SLC22A25: variants seen among roughly 807,000 people sequenced by gnomAD.
SLC22A25 encodes the protein solute carrier family 22 member 25.
SLC22A25 carries 44 observed loss-of-function variants against 45.9 expected under a neutral mutation model. The observed-to-expected ratio is 0.96, with a 90% CI of 0.75 to 1.23. The LOEUF (loss-of-function observed/expected upper bound fraction) is 1.23. Among genes scored for constraint, SLC22A25 ranks in the 50% most tolerant of loss-of-function variants. SLC22A25 has a pLI of 0.00. For synonymous variants in SLC22A25, 283 were observed against 238.6 expected, an observed-to-expected ratio of 1.19 and a Z score of -1.72; for missense variants, 800 against 666.4, an observed-to-expected ratio of 1.20 and a Z score of -2.21.
rs1000321997 is a variant in SLC22A25, at chr11:63,163,488, G to A, written c.*336C>T. ...ACTGGCAATCCCAGACAGCTAACAG[G>A]TACACTCACTGGGCTGAGGGCTCCC... On this transcript the variant is annotated 3_prime_UTR_variant, in exon 12 of 12. Transcript: ENST00000306494. Among the ~76,000 whole-genome samples, 1 of 152,162 alleles carries A rather than the reference G, an allele frequency of 6.6e-6. No individual in the cohort carries two copies. Among genetic ancestry groups the A allele is most frequent in the Non-Finnish European group, 1.5e-5 (1 of 68,036 alleles).
intron 3 of SLC22A25, among the ~76,000 whole-genome samples, chr11:63,232,422 C>G: frequency 6.6e-6 from 1 of 151,966 alleles, no homozygotes; most frequent in Admixed American, 6.6e-5. Context: ...ACACATGATT[C>G]GGCTCTCTGT....
At chr11:63,213,873 G>A (rs1034807345) in intron 7 of SLC22A25, among the ~76,000 whole-genome samples, 3 of 152,202 alleles carry the variant, frequency 2.0e-5, no homozygotes, top group South Asian at 2.1e-4. Context: ...GGTGCGATAT[G>A]CAAGGTATGT....
At chr11:63,164,463 A>G (rs996973093) in intron 11 of SLC22A25, 63 bp downstream of exon 11, 9 of 1,376,896 alleles carry the variant, frequency 6.5e-6, no homozygotes, top group African/African-American at 5.7e-5. Context: ...TTCCCTTGTT[A>G]AGTGTCAATT....
rs754102546 is a variant in SLC22A25, at chr11:63,183,832, G to A, written c.831-15C>T. 1 of 1,612,480 alleles carries A rather than the reference G, an allele frequency of 6.2e-7. No homozygotes were observed. Among genetic ancestry groups the A allele is most frequent in the South Asian group, 1.1e-5 (1 of 90,950 alleles). ...CTGCCAGCCACCTGAGCAAAGAAGA[G>A]GACAGAGGTGCAGCCAACCACTACT... On this transcript the variant is annotated splice_polypyrimidine_tract_variant and intron_variant, in intron 7 of 11. Coordinates refer to ENST00000306494, the MANE Select transcript of SLC22A25 (RefSeq NM_199352.6).
intron 7 of SLC22A25, among the ~76,000 whole-genome samples, chr11:63,192,363 A>T (rs1054714115): frequency 6.6e-6 from 1 of 152,178 alleles, no homozygotes; most frequent in African/African-American, 2.4e-5. Flanking sequence ...AAGAAAGTCC[A>T]TTACCAGCCA....
intron 7 of SLC22A25, among the ~76,000 whole-genome samples, chr11:63,190,639 CA>C (rs1390838783): frequency 2.1e-4 from 32 of 151,276 alleles, no homozygotes; most frequent in African/African-American, 7.6e-4. Flanking sequence ...TTAGAGTTTC[CA>C]GTTTTTTTTA....
chr11:63,191,295 A>G (rs1280523679), intron 7 of SLC22A25, among the ~76,000 whole-genome samples: 1 of 152,156 alleles, frequency 6.6e-6, no homozygotes, highest in Non-Finnish European at 1.5e-5. Context: ...TTGATCTCAG[A>G]CTGCTGTGCT....
intron 8 of SLC22A25, 52 bp from the exon 9 acceptor site, chr11:63,180,827 C>A (rs1361796945): frequency 1.3e-5 from 18 of 1,356,270 alleles, no homozygotes; most frequent in Middle Eastern, 1.8e-4. Context: ...AAATGGTAGG[C>A]ATTGTAAGAG....
intron 7 of SLC22A25, among the ~76,000 whole-genome samples, chr11:63,201,351 C>T (rs1161803448): frequency 6.6e-6 from 1 of 152,068 alleles, no homozygotes; most frequent in Non-Finnish European, 1.5e-5. Context: ...GAAATAAGAC[C>T]AAACACCTAC....
chr11:63,235,982 C>T (rs971478644), intron 3 of SLC22A25, among the ~76,000 whole-genome samples: 1 of 152,164 alleles, frequency 6.6e-6, no homozygotes, highest in Non-Finnish European at 1.5e-5. Flanking sequence ...GCAAATGCTG[C>T]TGCCTGATCA....
At chr11:63,170,326 A>G (rs1050382081) in intron 9 of SLC22A25, among the ~76,000 whole-genome samples, 4 of 90,384 alleles carry the variant, frequency 4.4e-5, no homozygotes, top group Non-Finnish European at 8.7e-5. Flanking sequence ...TGAGAGCAGA[A>G]CAGAAGGAGA....
At position 63,228,519 on chromosome 11, in the gene SLC22A25, A is replaced by C. The variant is rs1482047054; in HGVS notation, c.448T>G (p.Phe150Val). ...ACCATCATTCCAGCCATGAATAGAA[A>C]TTTAGCTACTGAATTCAGTGGTTGA... ...ESQPLNSVAK[F>V]LFMAGMMVGG... Residue 150 changes from phenylalanine to valine, a missense_variant, in exon 5 of 12, where the codon TTT (phenylalanine) becomes GTT (valine). Physicochemically the swap from Phe to Val is conservative, Grantham distance 50 (BLOSUM62 -1). Coordinates refer to ENST00000306494, the MANE Select transcript of SLC22A25 (RefSeq NM_199352.6). The C allele has an allele frequency of 1.9e-6, 3 of 1,613,916 alleles. No homozygotes were observed. Among genetic ancestry groups the C allele is most frequent in the Non-Finnish European group, 2.5e-6 (3 of 1,179,908 alleles).
chr11:63,197,820 A>C (rs1468732589), intron 7 of SLC22A25, among the ~76,000 whole-genome samples: 1 of 150,028 alleles, frequency 6.7e-6, no homozygotes, highest in African/African-American at 2.5e-5. Flanking sequence ...TTGGCAATCT[A>C]CTCATCTCAC....
At position 63,202,263 on chromosome 11, in the gene SLC22A25, T is replaced by A. The variant is rs577057369; in HGVS notation, c.830+15051A>T. 2.4e-3 allele frequency among the ~76,000 whole-genome samples: 363 copies of A among 151,904 alleles called. 1 individual carries two copies. Among genetic ancestry groups the A allele is most frequent in the African/African-American group, 8.2e-3 (341 of 41,388 alleles). On this transcript the variant is annotated intron_variant, in intron 7 of 11. Transcript: ENST00000306494. ...CTAGCTGCAGGAGTTTTTTTTTTTT[T>A]AATACCCCAGTGGTGCCTGGAATGC... is the stretch of plus-strand genomic sequence containing the variant.
At chr11:63,181,955 T>C (rs1226595291) in intron 8 of SLC22A25, among the ~76,000 whole-genome samples, 1 of 152,146 alleles carries the variant, frequency 6.6e-6, no homozygotes, top group Non-Finnish European at 1.5e-5. Context: ...GCATAGGAGA[T>C]GAATGTTACG....
At chr11:63,202,715 G>A (rs539690300) in intron 7 of SLC22A25, among the ~76,000 whole-genome samples, 25 of 152,286 alleles carry the variant, frequency 1.6e-4, no homozygotes, top group East Asian at 3.9e-4. Flanking sequence ...GGGAAGGGGC[G>A]GCTGTGGGCG....
At chr11:63,214,631 T>C (rs939423541) in intron 7 of SLC22A25, among the ~76,000 whole-genome samples, 2 of 152,198 alleles carry the variant, frequency 1.3e-5, no homozygotes, top group African/African-American at 4.8e-5. Context: ...TTGTAAAACA[T>C]GTTTTTCCTT....
In SLC22A25 at chr11:63,199,763, A is replaced by G. The variant is rs561476304; in HGVS notation, c.831-15946T>C. ...AAAAATGCAGCAAGACAACCCTAAA[A>G]AAACACCTGAAGCCACTACCCAAAA... On this transcript the variant is annotated intron_variant, in intron 7 of 11. Transcript: ENST00000306494. Among the ~76,000 whole-genome samples the G allele has an allele frequency of 4.6e-5, 7 of 152,246 alleles. No homozygotes were observed. The East Asian group carries it at 7.7e-4, about 17-fold the overall frequency.
At position 63,217,309 on chromosome 11, in the gene SLC22A25, A is replaced by C; in HGVS notation, c.830+5T>G. On this transcript the variant is annotated splice_donor_5th_base_variant and intron_variant, in intron 7 of 11. Transcript: ENST00000306494. ...TATGGCAAAAGAAGAATGCAAGCTC[A>C]ATACCTTGAGAACAGAAAGAAGACA... The C allele has an allele frequency of 6.2e-7, 1 of 1,612,546 alleles. No individual in the cohort carries two copies. Among genetic ancestry groups the C allele is most frequent in the East Asian group, 2.2e-5 (1 of 44,800 alleles).
Sources: gnomAD v4.1 joint callset for allele counts (sites outside exome capture counted in the v4.1 genomes callset) on GRCh38, gnomAD v4.1.1 for gene constraint, MANE v1.5 for transcripts, NCBI Gene and HGNC (gene_info 2026-07-23, HGNC 2026-07-21) for gene names.